Variants in TAFA1 observed in about 807,000 individuals in gnomAD.
TAFA1 encodes chemokine-like protein TAFA-1.
TAFA1 carries 4 observed loss-of-function variants against 18.5 expected under a neutral mutation model. The ratio of observed to expected loss-of-function variants is 0.22; its 90% CI spans 0.11 to 0.49. TAFA1 has a LOEUF of 0.49. Ranked by LOEUF, TAFA1 falls within the 20% of genes least tolerant of loss-of-function variation. TAFA1 has a pLI of 0.98. For synonymous variants in TAFA1, 56 were observed against 55.2 expected, an observed-to-expected ratio of 1.01 and a Z score of -0.06; for missense variants, 147 against 169.0, an observed-to-expected ratio of 0.87 and a Z score of 0.72.
intron 3 of TAFA1, among the ~76,000 whole-genome samples, chr3:68,421,429 C>G (rs763785131): frequency 5.9e-5 from 9 of 152,030 alleles, no homozygotes; most frequent in Non-Finnish European, 1.2e-4. Context: ...GCCTAGATCT[C>G]TAAATGAAAA....
At chr3:68,421,103 T>G (rs2070947702) in intron 3 of TAFA1, among the ~76,000 whole-genome samples, 1 of 152,184 alleles carries the variant, frequency 6.6e-6, no homozygotes, top group African/African-American at 2.4e-5. Context: ...CAAAGTGCAA[T>G]GCATTGCTTA....
chr3:68,101,266 T>C (rs1263331249), intron 2 of TAFA1, among the ~76,000 whole-genome samples: 4 of 150,206 alleles, frequency 2.7e-5, no homozygotes, highest in Non-Finnish European at 5.9e-5. Context: ...GTGATTTCTT[T>C]TTTTATTTTT....
intron 2 of TAFA1, among the ~76,000 whole-genome samples, chr3:68,020,682 C>T (rs150963958): frequency 3.2e-4 from 48 of 152,210 alleles, no homozygotes; most frequent in African/African-American, 1.1e-3. Context: ...ATTTACTCAC[C>T]TATTATCATA....
chr3:68,463,997 T>C (rs2071834625), intron 3 of TAFA1, among the ~76,000 whole-genome samples: 1 of 152,084 alleles, frequency 6.6e-6, no homozygotes, highest in South Asian at 2.1e-4. Flanking sequence ...AAAATAACTG[T>C]TTTATAGGAC....
At chr3:68,239,664 T>C (rs560614228) in intron 2 of TAFA1, among the ~76,000 whole-genome samples, 4 of 152,314 alleles carry the variant, frequency 2.6e-5, no homozygotes, top group Non-Finnish European at 4.4e-5. Context: ...GTTTAACTTC[T>C]AATCTCTTGA....
intron 2 of TAFA1, among the ~76,000 whole-genome samples, chr3:68,254,014 G>T (rs2067245062): frequency 6.6e-6 from 1 of 152,062 alleles, no homozygotes; most frequent in South Asian, 2.1e-4. Flanking sequence ...TACAGCATTA[G>T]TTTCTTTGGG....
At chr3:68,263,455 A>G (rs78254368) in intron 2 of TAFA1, among the ~76,000 whole-genome samples, 32 of 138,354 alleles carry the variant, frequency 2.3e-4, no homozygotes, top group East Asian at 1.9e-3. Flanking sequence ...ATACACACAC[A>G]CACACACACA....
chr3:68,299,686 G>A (rs905265420), intron 2 of TAFA1, among the ~76,000 whole-genome samples: 7 of 152,348 alleles, frequency 4.6e-5, no homozygotes, highest in East Asian at 1.9e-4. Context: ...AGGCCTGGAG[G>A]CCTAGGAGGA....
In TAFA1 at chr3:68,265,231, C is replaced by T. The variant is rs190024271; in HGVS notation, c.119-152049C>T. On this transcript the variant is annotated intron_variant, in intron 2 of 4. Transcript: ENST00000478136. ...TAGATCTTGATCTCCTGTTTAATTT[C>T]CCTCAGCCATTAACAGGTGTGGATT... 6.5e-4 allele frequency among the ~76,000 whole-genome samples: 99 copies of T among 152,256 alleles called. 1 individual carries two copies. The highest frequency in any genetic ancestry group is 1.1e-3 in the Non-Finnish European group (75 of 68,014).
chr3:68,310,123 T>A, intron 2 of TAFA1, among the ~76,000 whole-genome samples: 1 of 152,206 alleles, frequency 6.6e-6, no homozygotes, highest in Middle Eastern at 3.2e-3. Flanking sequence ...ATTTTTAAGA[T>A]TCAAGTACAC....
At chr3:68,438,030 C>T (rs1229762889) in intron 3 of TAFA1, among the ~76,000 whole-genome samples, 1 of 152,034 alleles carries the variant, frequency 6.6e-6, no homozygotes, top group African/African-American at 2.4e-5. Flanking sequence ...AGGCCCCAAG[C>T]AAGTCCAAAA....
At chr3:68,103,385 A>G (rs2106821663) in intron 2 of TAFA1, among the ~76,000 whole-genome samples, 1 of 152,334 alleles carries the variant, frequency 6.6e-6, no homozygotes, top group Middle Eastern at 3.4e-3. Context: ...CTTATTAATT[A>G]TATGTCACAG....
intron 3 of TAFA1, among the ~76,000 whole-genome samples, chr3:68,504,596 T>A (rs912429272): frequency 3.3e-4 from 50 of 152,290 alleles, no homozygotes; most frequent in African/African-American, 1.2e-3. Context: ...ATGTATCAAG[T>A]GTCCTCATAT....
chr3:68,453,918 C>T (rs2071610769), intron 3 of TAFA1, among the ~76,000 whole-genome samples: 1 of 152,156 alleles, frequency 6.6e-6, no homozygotes, highest in Admixed American at 6.6e-5. Context: ...TGCTGGAAAT[C>T]TGAACTTCAC....
intron 2 of TAFA1, among the ~76,000 whole-genome samples, chr3:68,389,899 A>G (rs1369853141): frequency 1.3e-5 from 2 of 152,150 alleles, no homozygotes; most frequent in African/African-American, 4.8e-5. Flanking sequence ...CTACACCACC[A>G]GGGCCCTGGG....
chr3:68,497,862 A>C (rs757589637), intron 3 of TAFA1, among the ~76,000 whole-genome samples: 2 of 152,188 alleles, frequency 1.3e-5, no homozygotes, highest in Non-Finnish European at 2.9e-5. Context: ...GAAGAGGATA[A>C]TAGCTTGCCC....
At chr3:68,380,238 G>C (rs1270321261) in intron 2 of TAFA1, among the ~76,000 whole-genome samples, 1 of 152,164 alleles carries the variant, frequency 6.6e-6, no homozygotes, top group Non-Finnish European at 1.5e-5. Flanking sequence ...ACGCGTGCAT[G>C]TGTCTTTATA....
chr3:68,431,934 G>A (rs1004507016), intron 3 of TAFA1, among the ~76,000 whole-genome samples: 6 of 151,974 alleles, frequency 3.9e-5, no homozygotes, highest in Admixed American at 1.3e-4. Context: ...TCAAGTAAGC[G>A]TGAGGAACAT....
chr3:68,233,341 A>G (rs1247593338), intron 2 of TAFA1, among the ~76,000 whole-genome samples: 1 of 152,132 alleles, frequency 6.6e-6, no homozygotes, highest in Non-Finnish European at 1.5e-5. Flanking sequence ...ATTGTACAAA[A>G]GCTTTTTAGT....
Sources: gnomAD v4.1 joint callset for allele counts (sites outside exome capture counted in the v4.1 genomes callset) on GRCh38, gnomAD v4.1.1 for gene constraint, MANE v1.5 for transcripts, NCBI Gene and HGNC (gene_info 2026-07-23, HGNC 2026-07-21) for gene names.